Variants in KLF12 observed in about 807,000 individuals in gnomAD.
KLF12 encodes KLF transcription factor 12.
In KLF12, 9 loss-of-function variants were observed where a neutral mutation model predicts 37.8. That is an observed-to-expected ratio of 0.24 (90% CI 0.14 to 0.42). The LOEUF (loss-of-function observed/expected upper bound fraction) is 0.42, where lower values mean the gene tolerates loss of function less well. KLF12 is among the 10% of genes least tolerant of loss of function. The pLI, the probability that KLF12 is intolerant of heterozygous loss-of-function variation, is 1.00. For synonymous variants in KLF12, 208 were observed against 202.1 expected, an observed-to-expected ratio of 1.03 and a Z score of -0.25; for missense variants, 411 against 516.0, an observed-to-expected ratio of 0.80 and a Z score of 1.97.
At chr13:73,940,063 T>C (rs1409483673) in intron 3 of KLF12, among the ~76,000 whole-genome samples, 1 of 152,146 alleles carries the variant, frequency 6.6e-6, no homozygotes, top group Non-Finnish European at 1.5e-5. Context: ...GGGCCAGGAA[T>C]AAAATCACAT....
chr13:73,994,097 G>A (rs1386644043), intron 2 of KLF12, among the ~76,000 whole-genome samples: 1 of 152,198 alleles, frequency 6.6e-6, no homozygotes, highest in South Asian at 2.1e-4. Flanking sequence ...TTAGCAATGA[G>A]GATGGAAGAA....
intron 5 of KLF12, among the ~76,000 whole-genome samples, chr13:73,792,978 G>C (rs1457649342): frequency 6.6e-6 from 1 of 152,194 alleles, no homozygotes; most frequent in South Asian, 2.1e-4. Context: ...ACGTTTAATT[G>C]AGTCTGGCAC....
At chr13:73,818,122 G>C (rs1883332056) in intron 4 of KLF12, among the ~76,000 whole-genome samples, 1 of 151,374 alleles carries the variant, frequency 6.6e-6, no homozygotes, top group African/African-American at 2.5e-5. Context: ...GGGCCATTTA[G>C]TTATGATGAA....
chr13:74,114,274 A>T (rs1188240274), intron 1 of KLF12, among the ~76,000 whole-genome samples: 1 of 152,218 alleles, frequency 6.6e-6, no homozygotes, highest in East Asian at 1.9e-4. Context: ...ATTATGACTC[A>T]TTTAAAGTTC....
At chr13:73,831,609 C>T (rs569370808) in intron 4 of KLF12, among the ~76,000 whole-genome samples, 68 of 152,266 alleles carry the variant, frequency 4.5e-4, no homozygotes, top group African/African-American at 1.6e-3. Context: ...AGCCTGTTTG[C>T]TCCCATCCAG....
At chr13:73,738,140 T>C (rs1877659890) in intron 6 of KLF12, among the ~76,000 whole-genome samples, 2 of 143,226 alleles carry the variant, frequency 1.4e-5, no homozygotes, top group Non-Finnish European at 3.0e-5. Flanking sequence ...CACACACATA[T>C]ATATACACAC....
At chr13:74,067,720 G>T (rs1284122131) in intron 1 of KLF12, among the ~76,000 whole-genome samples, 1 of 152,176 alleles carries the variant, frequency 6.6e-6, no homozygotes, top group African/African-American at 2.4e-5. Flanking sequence ...ATTACATTTT[G>T]CCATGGTGAA....
At chr13:73,758,558 G>C (rs547947729) in intron 6 of KLF12, among the ~76,000 whole-genome samples, 23 of 152,100 alleles carry the variant, frequency 1.5e-4, no homozygotes, top group Non-Finnish European at 3.1e-4. Context: ...AGAGTACAAT[G>C]ACATGTCTTA....
At chr13:74,272,663 A>G in the KLF12 span, among the ~76,000 whole-genome samples, 1 of 152,234 alleles carries the variant, frequency 6.6e-6, no homozygotes, top group Non-Finnish European at 1.5e-5. Context: ...GAAAGAAACA[A>G]GAATAAACTC....
intron 5 of KLF12, among the ~76,000 whole-genome samples, chr13:73,806,146 C>G (rs1333806878): frequency 7.0e-6 from 1 of 142,534 alleles, no homozygotes; most frequent in Non-Finnish European, 1.5e-5. Context: ...AAGTCTCACT[C>G]TTGTTGCCCA....
At chr13:74,155,669 T>A in the KLF12 span, among the ~76,000 whole-genome samples, 1 of 152,126 alleles carries the variant, frequency 6.6e-6, no homozygotes, top group Non-Finnish European at 1.5e-5. Context: ...AGCCTGTAGC[T>A]CCTATTTTTA....
At chr13:73,779,085 A>C (rs938811077) in intron 5 of KLF12, among the ~76,000 whole-genome samples, 1 of 152,210 alleles carries the variant, frequency 6.6e-6, no homozygotes. Context: ...TGTGTTGTAT[A>C]ATAAAAAATT....
the KLF12 span, among the ~76,000 whole-genome samples, chr13:74,201,825 G>T: frequency 6.6e-6 from 1 of 152,142 alleles, no homozygotes; most frequent in Non-Finnish European, 1.5e-5. Flanking sequence ...GCTTGACATT[G>T]CAATTCAGCA....
At chr13:73,856,656 G>A (rs1276674433) in intron 3 of KLF12, among the ~76,000 whole-genome samples, 1 of 152,010 alleles carries the variant, frequency 6.6e-6, no homozygotes, top group Non-Finnish European at 1.5e-5. Flanking sequence ...ATAAGGTAAT[G>A]TTTGGAAGTG....
chr13:73,998,197 G>C (rs9600214), intron 1 of KLF12, among the ~76,000 whole-genome samples: 11,322 of 152,086 alleles, frequency 0.074, 630 homozygotes, highest in African/African-American at 0.16. Flanking sequence ...AATTACCTCA[G>C]AGTACAGGCA....
At chr13:73,715,878 T>C (rs1166440372) in intron 6 of KLF12, among the ~76,000 whole-genome samples, 1 of 152,202 alleles carries the variant, frequency 6.6e-6, no homozygotes, top group African/African-American at 2.4e-5. Context: ...CTGAATATCC[T>C]GATAGAGAAT....
the KLF12 span, among the ~76,000 whole-genome samples, chr13:74,294,432 G>A: frequency 1.5e-4 from 23 of 151,978 alleles, no homozygotes; most frequent in Admixed American, 1.2e-3. Flanking sequence ...GCGGTGGTGC[G>A]ATCTCGGCTC....
At chr13:73,968,358 T>C (rs777791295) in intron 2 of KLF12, among the ~76,000 whole-genome samples, 1 of 152,220 alleles carries the variant, frequency 6.6e-6, no homozygotes, top group East Asian at 1.9e-4. Flanking sequence ...GCCTTACTTG[T>C]GTAATTTGTA....
chr13:74,133,676 C>CA lies in KLF12; in HGVS notation c.-32+62dup, dbSNP rs60415171. On this transcript the variant is annotated intron_variant, in intron 1 of 7. Coordinates refer to ENST00000377669, the MANE Select transcript of KLF12 (RefSeq NM_007249.5). ...GAGAATACGGTCTGATTTGGGATGG[C>CA]AAAAAAAAAAAAAAAAGAGGAGGGG... Among the ~76,000 whole-genome samples, 417 of 132,362 alleles carry CA rather than the reference C, an allele frequency of 3.2e-3. 3 individuals are homozygous for CA. Among genetic ancestry groups the CA allele is most frequent in the South Asian group, 0.016 (65 of 4,144 alleles). 86.8% of individuals were successfully genotyped at this position (132,362 alleles called of 152,430 possible). A position where few individuals can be genotyped will look rare whatever the true frequency, so the allele number is the denominator to read the frequency against.
Sources: allele counts gnomAD v4.1 joint callset (sites outside exome capture counted in the v4.1 genomes callset), GRCh38; gene constraint gnomAD v4.1.1; transcripts MANE v1.5; gene names NCBI Gene and HGNC (gene_info 2026-07-23, HGNC 2026-07-21).